The following CD99L2 variants were observed in gnomAD, a reference collection of about 807,000 sequenced individuals.
The protein encoded by CD99L2 is CD99 molecule like 2, also known as CD99 antigen-like protein 2.
CD99L2 carries 24 observed loss-of-function variants against 27.3 expected under a neutral mutation model. The ratio of observed to expected loss-of-function variants is 0.88; its 90% CI spans 0.64 to 1.24. CD99L2 has a LOEUF of 1.24. Ranked by LOEUF, CD99L2 falls within the 50% of genes most tolerant of loss-of-function variation. The pLI is 0.00. For missense variants in CD99L2, 255 were observed against 221.6 expected, an observed-to-expected ratio of 1.15 and a Z score of -0.96; for synonymous variants, 97 against 87.9, an observed-to-expected ratio of 1.10 and a Z score of -0.58.
chrX:150,879,605 G>C (rs1284794378), intron 1 of CD99L2, among the ~76,000 whole-genome samples: 1 of 108,532 alleles, frequency 9.2e-6, no homozygotes, highest in African/African-American at 3.4e-5. Context: ...ATGATCTAAT[G>C]AGCACATAAA....
rs111912900 is a variant in CD99L2 at position 150,898,236 on chromosome X, T to C, written c.67+286A>G. The stretch of plus-strand genomic sequence containing the variant: ...TCTTGGGGACAGCTGTTGTCACCAG[T>C]GGTACACCTGCTCGTTCAGGATTTT... On this transcript the variant is annotated intron_variant, in intron 1 of 10. Transcript: ENST00000370377. Among the ~76,000 whole-genome samples, 480 of 111,955 alleles carry C rather than the reference T, an allele frequency of 4.3e-3. 4 individuals are homozygous for C. Among genetic ancestry groups the C allele is most frequent in the African/African-American group, 0.015 (452 of 30,888 alleles).
Position 150,777,950 on chromosome X carries a change from C to T in CD99L2, c.497-468G>A, listed in dbSNP as rs782236290. On this transcript the variant is annotated intron_variant, in intron 7 of 10. Transcript: ENST00000370377. ...TGGAACATAAACAAATGTAGGCTCA[C>T]AATCCCTTATCCACTATTTTGAAAT... Among the ~76,000 whole-genome samples the T allele has an allele frequency of 1.3e-4, 15 of 112,119 alleles. No individual in the cohort carries two copies. The South Asian group carries it at 5.6e-3, about 42-fold the overall frequency.
At chrX:150,867,565 A>C (rs1413929168) in intron 1 of CD99L2, among the ~76,000 whole-genome samples, 3 of 109,836 alleles carry the variant, frequency 2.7e-5, no homozygotes, top group Non-Finnish European at 5.7e-5. Context: ...GGAGTTCGAG[A>C]CCAGCCTGGC....
At chrX:150,889,582 C>G (rs368207623) in intron 1 of CD99L2, among the ~76,000 whole-genome samples, 1 of 112,246 alleles carries the variant, frequency 8.9e-6, no homozygotes, top group East Asian at 2.8e-4. Context: ...AGTATCACCT[C>G]TAATTTAGAA....
At chrX:150,856,065 T>C (rs1334687954) in intron 1 of CD99L2, among the ~76,000 whole-genome samples, 1 of 112,985 alleles carries the variant, frequency 8.9e-6, no homozygotes, top group African/African-American at 3.2e-5. Context: ...GCACACATTC[T>C]GTATGCCCTG....
At chrX:150,815,933 T>C in intron 3 of CD99L2, 74 bp downstream of exon 3, 1 of 1,005,382 alleles carries the variant, frequency 9.9e-7, no homozygotes, top group Non-Finnish European at 1.4e-6. Flanking sequence ...CTGTAGGTAG[T>C]TCACTTGCAT....
At chrX:150,794,693 G>C (rs1240945525) in intron 6 of CD99L2, among the ~76,000 whole-genome samples, 4 of 111,509 alleles carry the variant, frequency 3.6e-5, no homozygotes, top group Non-Finnish European at 7.5e-5. Flanking sequence ...TGAAAAGTCT[G>C]TGAAAATATT....
intron 7 of CD99L2, among the ~76,000 whole-genome samples, chrX:150,787,062 G>A: frequency 8.9e-6 from 1 of 111,944 alleles, no homozygotes; most frequent in South Asian, 3.7e-4. Flanking sequence ...TAATGGGATG[G>A]TTTGTTTTTT....
At chrX:150,796,747 G>A (rs973708550) in intron 4 of CD99L2, among the ~76,000 whole-genome samples, 1 of 111,842 alleles carries the variant, frequency 8.9e-6, no homozygotes, top group Non-Finnish European at 1.9e-5. Context: ...TTCTGAACCA[G>A]GAAATAAACT....
chrX:150,829,658 G>C (rs2046412175), intron 2 of CD99L2: 2 of 232,527 alleles, frequency 8.6e-6, no homozygotes, highest in African/African-American at 6.0e-5. Flanking sequence ...CACATTAAAT[G>C]AAAGAGCCTC....
chrX:150,893,368 G>A, intron 1 of CD99L2, among the ~76,000 whole-genome samples: 1 of 109,966 alleles, frequency 9.1e-6, no homozygotes, highest in East Asian at 2.9e-4. Context: ...CGGGCAGGCA[G>A]GGTTAAGCAT....
At chrX:150,896,195 C>T (rs1484492997) in intron 1 of CD99L2, among the ~76,000 whole-genome samples, 2 of 110,260 alleles carry the variant, frequency 1.8e-5, no homozygotes, top group Admixed American at 9.7e-5. Context: ...GTCAGGAGTT[C>T]GAGACCAGCC....
At chrX:150,796,369 C>G (rs1363330848) in intron 4 of CD99L2, among the ~76,000 whole-genome samples, 1 of 112,151 alleles carries the variant, frequency 8.9e-6, no homozygotes, top group Non-Finnish European at 1.9e-5. Context: ...TACAGTAAGT[C>G]AAGTCATAAC....
chrX:150,793,124 A>G (rs957901110), intron 7 of CD99L2, among the ~76,000 whole-genome samples: 63 of 112,506 alleles, frequency 5.6e-4, no homozygotes, highest in African/African-American at 2.0e-3. Context: ...AGCTGACTTA[A>G]CAGTACTGTA....
At chrX:150,796,248 C>A (rs1205983126) in intron 4 of CD99L2, among the ~76,000 whole-genome samples, 2 of 112,288 alleles carry the variant, frequency 1.8e-5, no homozygotes, top group African/African-American at 6.5e-5. Context: ...ATCCAAACTG[C>A]CTAGGGACAT....
chrX:150,799,227 G>C (rs1454934643), intron 4 of CD99L2, among the ~76,000 whole-genome samples: 1 of 111,008 alleles, frequency 9.0e-6, no homozygotes, highest in Admixed American at 9.6e-5. Flanking sequence ...GCTAGGCACA[G>C]TGGCTCATGC....
intron 4 of CD99L2, among the ~76,000 whole-genome samples, chrX:150,802,880 CTTTTTTTTTTTTTTTT>C (rs34693200): frequency 0.017 from 354 of 20,834 alleles, 3 homozygotes; most frequent in African/African-American, 0.05. Context: ...CGTGCCCAGC[CTTTTTTTTTTTTTTTT>C]TTTTTTTTTT....
At chrX:150,802,945 G>C (rs1316965372) in intron 4 of CD99L2, among the ~76,000 whole-genome samples, 1 of 84,501 alleles carries the variant, frequency 1.2e-5, no homozygotes, top group Non-Finnish European at 2.2e-5. Flanking sequence ...GCCCAGGCTG[G>C]AGTGCAATAG....
At chrX:150,817,917 A>G (rs1297308311) in intron 2 of CD99L2, among the ~76,000 whole-genome samples, 1 of 111,043 alleles carries the variant, frequency 9.0e-6, no homozygotes. Flanking sequence ...TATGCAAACA[A>G]CAACCATAAG....
Sources: gnomAD v4.1 joint callset for allele counts (sites outside exome capture counted in the v4.1 genomes callset) on GRCh38, gnomAD v4.1.1 for gene constraint, MANE v1.5 for transcripts, NCBI Gene and HGNC (gene_info 2026-07-23, HGNC 2026-07-21) for gene names.